Variants in MDK observed in about 807,000 individuals in gnomAD.
The protein encoded by MDK is midkine, also known as amphiregulin-associated protein.
Under a neutral mutation model 18.9 loss-of-function variants are expected in MDK, and 17 were observed. The observed-to-expected ratio is 0.90, with a 90% CI of 0.62 to 1.35. MDK has a LOEUF of 1.35. MDK is among the 40% of genes most tolerant of loss of function. MDK has a pLI of 0.00. For synonymous variants in MDK, 86 were observed against 74.3 expected (o/e 1.16, Z -0.81); for missense variants, 180 against 186.3 (o/e 0.97, Z 0.20).
At chr11:46,382,863 T>C (rs1205087361) in intron 4 of MDK, 115 bp downstream of exon 4, 2 of 1,220,434 alleles carry the variant, frequency 1.6e-6, no homozygotes, top group East Asian at 5.2e-5. Flanking sequence ...GCCAGTGGCT[T>C]CCTGACATCG....
At chr11:46,381,629 G>A (rs1362043344), upstream of MDK, 1 of 145,242 alleles carries the variant, frequency 6.9e-6, no homozygotes, top group Non-Finnish European at 1.5e-5. Context: ...CCTTCCCTGG[G>A]GGGGTGGGGA....
At position 46,382,457 on chromosome 11, in the gene MDK, T is replaced by C; in HGVS notation, c.240T>C (p.Phe80=). 2 of 1,524,328 alleles carry C rather than the reference T, an allele frequency of 1.3e-6. No individual in the cohort carries two copies. Among genetic ancestry groups the C allele is most frequent in the Non-Finnish European group, 1.8e-6 (2 of 1,133,828 alleles). 94.4% of individuals were successfully genotyped at this position (1,524,328 alleles called of 1,614,324 possible). The change falls in exon 3 of 5, where the codon TTT becomes TTC. Residue 80 remains phenylalanine, a synonymous_variant. Coordinates refer to ENST00000395566, the MANE Select transcript of MDK (RefSeq NM_002391.6). ...TGCCCTGCAACTGGAAGAAGGAGTT[T>C]GGAGGTGAGGCGGGGCGCAGTCAGA... ...CRVPCNWKKE[F]GADCKYKFEN...
In MDK at chr11:46,383,567, C is replaced by T. The variant is rs748819116; in HGVS notation, c.*73C>T. ...GCCCACGCCCTCCCTCTCCCAGGCC[C>T]GAGATGTGACCCACCAGTGCCTTCT... On this transcript the variant is annotated 3_prime_UTR_variant, in exon 5 of 5. Coordinates refer to ENST00000395566, the MANE Select transcript of MDK (RefSeq NM_002391.6). 6.1e-5 allele frequency: 83 copies of T among 1,353,000 alleles called. 1 individual carries two copies. Among genetic ancestry groups the T allele is most frequent in the Admixed American group, 4.2e-4 (25 of 59,662 alleles). 83.8% of individuals were successfully genotyped at this position (1,353,000 alleles called of 1,614,324 possible). A position where few individuals can be genotyped will look rare whatever the true frequency, so the allele number is the denominator to read the frequency against.
At position 46,382,121 on chromosome 11, in the gene MDK, G is replaced by A. The variant is rs11557367; in HGVS notation, c.64G>A (p.Ala22Thr). ...LALLALTSAVAKKKDKVKKGG... is the reference protein window; with the variant it reads ...LALLALTSAVTKKKDKVKKGG... ...CCTGCTGGCGCTCACCTCCGCGGTC[G>A]CCAAAAAGAAAGGTGATGGGGGATG... Residue 22 changes from alanine to threonine, a missense_variant, in exon 2 of 5, where the codon GCC becomes ACC. Transcript: ENST00000395566. 3 of 1,610,864 alleles carry A rather than the reference G, an allele frequency of 1.9e-6. No homozygotes were observed. The highest frequency in any genetic ancestry group is 2.5e-6 in the Non-Finnish European group (3 of 1,179,114).
At chr11:46,381,826 G>C (rs1211678596) in intron 1 of MDK, 68 bp downstream of exon 1, 1 of 461,018 alleles carries the variant, frequency 2.2e-6, no homozygotes, top group East Asian at 3.7e-5. Flanking sequence ...TGGAGGCGGG[G>C]GTGGGGGTCT....
intron 4 of MDK, 42 bp downstream of exon 4, chr11:46,382,790 G>GGGGGGGGCCC: frequency 7.1e-5 from 70 of 986,978 alleles, no homozygotes; most frequent in East Asian, 1.9e-4. Context: ...GCGGGGGGCT[G>GGGGGGGGCCC]CCCCCCCCCC....
At position 46,383,550 on chromosome 11, in the gene MDK, CCTCCCT is replaced by C. The variant is rs1289934365; in HGVS notation, c.*62_*67del. The C allele has an allele frequency of 6.5e-7, 1 of 1,529,012 alleles. No individual in the cohort carries two copies. The highest frequency in any genetic ancestry group is 1.4e-5 in the African/African-American group (1 of 73,234). 94.7% of individuals were successfully genotyped at this position (1,529,012 alleles called of 1,614,324 possible). ...GTGTCACATGGGGCCTGGCCCACGC[CCTCCCT>C]CTCCCAGGCCCGAGATGTGACCCAC... is the stretch of plus-strand genomic sequence containing the variant. On this transcript the variant is annotated 3_prime_UTR_variant, in exon 5 of 5. Transcript: ENST00000395566.
At chr11:46,381,520 G>C (rs1051032862), upstream of MDK, 1 of 150,590 alleles carries the variant, frequency 6.6e-6, no homozygotes, top group Non-Finnish European at 1.5e-5. Context: ...CCGGGAACAC[G>C]GACGCCGGAG....
chr11:46,382,846 A>C, intron 4 of MDK, 98 bp downstream of exon 4: 1 of 1,349,564 alleles, frequency 7.4e-7, no homozygotes, highest in Non-Finnish European at 1.0e-6. Context: ...TTAAGTTTTG[A>C]GTCCTGGCCA....
intron 4 of MDK, 57 bp downstream of exon 4, chr11:46,382,805 C>G (rs1245842783): frequency 7.4e-6 from 11 of 1,478,604 alleles, no homozygotes; most frequent in Non-Finnish European, 1.0e-5. Context: ...CCCCCCCCCC[C>G]GCCTGTGAGG....
chr11:46,383,084 G>GC, intron 4 of MDK: 1 of 451,188 alleles, frequency 2.2e-6, no homozygotes, highest in South Asian at 2.3e-5. Flanking sequence ...GGTCAGCTCT[G>GC]CCCTTTCTAG....
At chr11:46,380,893 G>C (rs1945141517), upstream of MDK, 2 of 152,264 alleles carry the variant, frequency 1.3e-5, no homozygotes. Flanking sequence ...CTCCCGGTTT[G>C]GGGGAACCGG....
intron 4 of MDK, 42 bp downstream of exon 4, chr11:46,382,790 G>GGGGGGGGGGGGGCC: frequency 4.1e-5 from 40 of 986,990 alleles, no homozygotes; most frequent in East Asian, 3.4e-4. Context: ...GCGGGGGGCT[G>GGGGGGGGGGGGGCC]CCCCCCCCCC....
In MDK at chr11:46,383,758, C is replaced by CATT. The variant is rs1223592021; in HGVS notation, c.*266_*268dup. 1 of 597,566 alleles carries CATT rather than the reference C, an allele frequency of 1.7e-6. No individual in the cohort carries two copies. Among genetic ancestry groups the CATT allele is most frequent in the East Asian group, 3.1e-5 (1 of 31,826 alleles). The allele number at this position is 597,566 out of a possible 1,614,324, so 37.0% of individuals were successfully genotyped here. A position where few individuals can be genotyped will look rare whatever the true frequency, so the allele number is the denominator to read the frequency against. On this transcript the variant is annotated 3_prime_UTR_variant, in exon 5 of 5. Transcript: ENST00000395566. ...CCGCTTTTGTTCTTCCCCACAATTCCATTACTAAGAAACACATCAAATAAA... is the reference window on the plus strand; with the variant it reads ...CCGCTTTTGTTCTTCCCCACAATTCCATTATTACTAAGAAACACATCAAATAAA...
chr11:46,381,745 C>G lies in MDK; in HGVS notation c.-15C>G, dbSNP rs1455068043. ...CGGCGCGGGAGGGAGCGAAGCAGCGCGGGCAGCGAGCGAGTGAGCGCGCGG... is the reference window on the plus strand; with the variant it reads ...CGGCGCGGGAGGGAGCGAAGCAGCGGGGGCAGCGAGCGAGTGAGCGCGCGG... On this transcript the variant is annotated 5_prime_UTR_variant, in exon 1 of 5. Coordinates refer to ENST00000395566, the MANE Select transcript of MDK (RefSeq NM_002391.6). The G allele has an allele frequency of 2.9e-5, 6 of 207,930 alleles. No individual in the cohort carries two copies. Among genetic ancestry groups the G allele is most frequent in the South Asian group, 1.9e-4 (1 of 5,244 alleles). The allele number at this position is 207,930 out of a possible 1,614,324, so 12.9% of individuals were successfully genotyped here. A position where few individuals can be genotyped will look rare whatever the true frequency, so the allele number is the denominator to read the frequency against.
chr11:46,382,253 C>T (rs751472591), intron 2 of MDK, 41 bp from the exon 3 acceptor site: 26 of 1,603,840 alleles, frequency 1.6e-5, no homozygotes, highest in Non-Finnish European at 2.1e-5. Context: ...AGGGAGTCTC[C>T]CCGTGCCCCA....
At position 46,383,524 on chromosome 11, in the gene MDK, G is replaced by T; in HGVS notation, c.*30G>T. 2 of 1,608,540 alleles carry T rather than the reference G, an allele frequency of 1.2e-6. No homozygotes were observed. The highest frequency in any genetic ancestry group is 8.5e-7 in the Non-Finnish European group (1 of 1,175,418). ...CAAGCCTGGATGCCAAGGAGCCCCT[G>T]GTGTCACATGGGGCCTGGCCCACGC... On this transcript the variant is annotated 3_prime_UTR_variant, in exon 5 of 5. Coordinates refer to ENST00000395566, the MANE Select transcript of MDK (RefSeq NM_002391.6).
Position 46,382,466 on chromosome 11 carries a change from G to A in MDK, c.244+5G>A. 6.6e-7 allele frequency: 1 copy of A among 1,521,674 alleles called. No individual in the cohort carries two copies. Among genetic ancestry groups the A allele is most frequent in the Non-Finnish European group, 8.8e-7 (1 of 1,131,696 alleles). The allele number at this position is 1,521,674 out of a possible 1,614,324, so 94.3% of individuals were successfully genotyped here. The stretch of plus-strand genomic sequence containing the variant: ...ACTGGAAGAAGGAGTTTGGAGGTGA[G>A]GCGGGGCGCAGTCAGAGGGCAGGAG... On this transcript the variant is annotated splice_donor_5th_base_variant and intron_variant, in intron 3 of 4. Coordinates refer to ENST00000395566, the MANE Select transcript of MDK (RefSeq NM_002391.6).
upstream of MDK, chr11:46,381,625 C>A (rs1185928018): frequency 3.7e-4 from 2 of 5,434 alleles, no homozygotes; most frequent in Non-Finnish European, 6.9e-4. Context: ...GGGTCCTTCC[C>A]TGGGGGGGTG....
Sources: allele counts gnomAD v4.1 joint callset, GRCh38; gene constraint gnomAD v4.1.1; transcripts MANE v1.5; gene names NCBI Gene and HGNC (gene_info 2026-07-23, HGNC 2026-07-21).